EVC: variants seen among roughly 807,000 people sequenced by gnomAD.
EVC encodes evC complex member EVC.
Under a neutral mutation model 118.9 loss-of-function variants are expected in EVC, and 116 were observed. That is an observed-to-expected ratio of 0.98 (90% CI 0.84 to 1.14). EVC has a LOEUF of 1.14. Ranked by LOEUF, EVC falls within the 50% of genes most tolerant of loss-of-function variation. The pLI is 0.00. For missense variants in EVC, 1,401 were observed against 1,246.4 expected (o/e 1.12, Z -1.87); for synonymous variants, 619 against 534.7 (o/e 1.16, Z -2.18).
chr4:5,803,154 T>G (rs1383354558), intron 16 of EVC, among the ~76,000 whole-genome samples: 4 of 152,206 alleles, frequency 2.6e-5, no homozygotes, highest in Admixed American at 2.0e-4. Flanking sequence ...GAAGCCAATT[T>G]CTTAAATGCC....
chr4:5,828,981 A>T, the EVC span, among the ~76,000 whole-genome samples: 1 of 152,140 alleles, frequency 6.6e-6, no homozygotes, highest in African/African-American at 2.4e-5. Flanking sequence ...TGGACATAAA[A>T]ATAAGTAAAA....
the EVC span, chr4:5,825,531 G>C: frequency 6.3e-7 from 1 of 1,582,786 alleles, no homozygotes; most frequent in Non-Finnish European, 8.5e-7. This position sits in a 1 kb window ranked among gnomAD's most constrained non-coding sequence, Gnocchi z 4.4. Context: ...GGTTTCTGAT[G>C]GGTGGGGGCT....
chr4:5,732,645 T>C (rs1379713048), intron 4 of EVC, among the ~76,000 whole-genome samples: 1 of 152,246 alleles, frequency 6.6e-6, no homozygotes, highest in Non-Finnish European at 1.5e-5. Flanking sequence ...AGTCAGTTTC[T>C]GCATCTGTAA....
rs1318179785 is a variant in EVC at position 5,711,257 on chromosome 4, C to G, written c.-124C>G. The G allele has an allele frequency of 8.4e-6, 5 of 593,798 alleles. No homozygotes were observed. The highest frequency in any genetic ancestry group is 1.1e-5 in the Non-Finnish European group (5 of 471,342). 36.8% of individuals were successfully genotyped at this position (593,798 alleles called of 1,614,324 possible). On this transcript the variant is annotated 5_prime_UTR_variant, in exon 1 of 21. Transcript: ENST00000264956. ...GCAGGAGTCGGGAGACTGCACAGGC[C>G]AGAAAGTCTGCGGAGCGGGCCGCGC...
chr4:5,724,887 G>A (rs912616962), intron 2 of EVC, among the ~76,000 whole-genome samples: 3 of 151,860 alleles, frequency 2.0e-5, no homozygotes, highest in South Asian at 2.1e-4. Context: ...CCTCGCCCCC[G>A]ACAGGCCCCA....
At chr4:5,728,643 G>A (rs1273221549) in intron 2 of EVC, among the ~76,000 whole-genome samples, 1 of 152,182 alleles carries the variant, frequency 6.6e-6, no homozygotes, top group Non-Finnish European at 1.5e-5. Context: ...CTACTCTGCT[G>A]GTTTACTATC....
Position 5,719,380 on chromosome 4 carries a change from T to A in EVC, c.300+7T>A, listed in dbSNP as rs760229545. On this transcript the variant is annotated splice_region_variant and intron_variant, in intron 2 of 20. Coordinates refer to ENST00000264956, the MANE Select transcript of EVC (RefSeq NM_153717.3). This position sits in a 1 kb window ranked among gnomAD's most constrained non-coding sequence, Gnocchi z 4.7. Reference sequence around the variant, plus strand: ...GGACAAGGAAGCTGTTGATGTAAGCTTGGTGTTGATGTTTGTTTGTGGAGG... The same window carrying A: ...GGACAAGGAAGCTGTTGATGTAAGCATGGTGTTGATGTTTGTTTGTGGAGG... 2 of 1,614,084 alleles carry A rather than the reference T, an allele frequency of 1.2e-6. No individual in the cohort carries two copies. The highest frequency in any genetic ancestry group is 1.7e-6 in the Non-Finnish European group (2 of 1,179,982).
intron 2 of EVC, among the ~76,000 whole-genome samples, chr4:5,727,654 A>G (rs1309720419): frequency 6.6e-6 from 1 of 151,810 alleles, no homozygotes; most frequent in Non-Finnish European, 1.5e-5. Flanking sequence ...GCACATGCCT[A>G]TGTCCTGAAT....
chr4:5,768,438 G>GTGT (rs1733374376), intron 11 of EVC, among the ~76,000 whole-genome samples: 1 of 152,034 alleles, frequency 6.6e-6, no homozygotes, highest in African/African-American at 2.4e-5. Context: ...TTGTTTGGAC[G>GTGT]ATCAATATCC....
intron 5 of EVC, among the ~76,000 whole-genome samples, chr4:5,740,462 C>T (rs1296351052): frequency 7.6e-6 from 1 of 132,046 alleles, no homozygotes; most frequent in Non-Finnish European, 1.6e-5. Context: ...CAGACTGATA[C>T]TCCATCTCAA....
At chr4:5,787,326 G>A (rs942526164) in intron 12 of EVC, among the ~76,000 whole-genome samples, 7 of 152,222 alleles carry the variant, frequency 4.6e-5, no homozygotes, top group South Asian at 2.1e-4. Context: ...AAATCTTTGC[G>A]AATGTGATTA....
chr4:5,796,999 C>T (rs993898404), intron 13 of EVC, 23 bp from the exon 14 acceptor site: 1 of 1,574,034 alleles, frequency 6.4e-7, no homozygotes, highest in Non-Finnish European at 8.7e-7. Flanking sequence ...ATTGACCCCA[C>T]CCCTCACCTG....
At chr4:5,780,124 G>A (rs1053031457) in intron 11 of EVC, among the ~76,000 whole-genome samples, 2 of 152,122 alleles carry the variant, frequency 1.3e-5, no homozygotes, top group Non-Finnish European at 2.9e-5. Context: ...CTTTGGTTCT[G>A]TTTATATGCT....
intron 11 of EVC, among the ~76,000 whole-genome samples, chr4:5,770,375 C>T (rs1242892943): frequency 1.3e-5 from 2 of 152,176 alleles, no homozygotes; most frequent in African/African-American, 4.8e-5. Flanking sequence ...CAAAGACACT[C>T]CAGTCAGACC....
intron 2 of EVC, 148 bp from the exon 3 acceptor site, chr4:5,729,159 G>A: frequency 1.3e-6 from 1 of 742,338 alleles, no homozygotes; most frequent in Non-Finnish European, 2.4e-6. Flanking sequence ...TTCTGGCAAG[G>A]AAGAGCTAAT....
downstream of EVC, among the ~76,000 whole-genome samples, chr4:5,814,921 A>G (rs1027278469): frequency 2.6e-5 from 4 of 151,984 alleles, no homozygotes; most frequent in African/African-American, 9.7e-5. Context: ...GACTGGGGTG[A>G]GGTCGGTGGG....
At position 5,793,644 on chromosome 4, in the gene EVC, C is replaced by T. The variant is rs1553889992; in HGVS notation, c.1813C>T (p.Gln605Ter). The part of the protein sequence containing the change: ...MEECALSSVL[Q>*]THLREDHEGT... Reference sequence around the variant, plus strand: ...GGAGTGTGCGCTGTCCAGCGTGCTGCAGACACACCTGCGGGAGGACCACGA... The same window carrying T: ...GGAGTGTGCGCTGTCCAGCGTGCTGTAGACACACCTGCGGGAGGACCACGA... Residue 605 changes from glutamine to a stop codon, truncating the protein, a stop_gained, in exon 13 of 21, where the codon CAG becomes TAG. Coordinates refer to ENST00000264956, the MANE Select transcript of EVC (RefSeq NM_153717.3). LOFTEE classifies it high-confidence loss of function. 1.3e-6 allele frequency: 2 copies of T among 1,552,936 alleles called. No homozygotes were observed. The highest frequency in any genetic ancestry group is 1.7e-6 in the Non-Finnish European group (2 of 1,147,810).
rs771202143 is a variant in EVC, at chr4:5,738,989, C to T, written c.703-2727C>T. ...ATACTGCTATTGTACACTTAGACTA[C>T]AGTATAGTGTAAACATAGCTTTTAT... On this transcript the variant is annotated intron_variant, in intron 5 of 20. Coordinates refer to ENST00000264956, the MANE Select transcript of EVC (RefSeq NM_153717.3). This position sits in a 1 kb window ranked among gnomAD's most constrained non-coding sequence, Gnocchi z 6.5. 3.1e-4 allele frequency among the ~76,000 whole-genome samples: 47 copies of T among 152,226 alleles called. No individual in the cohort carries two copies. The South Asian group carries it at 4.2e-3, about 13-fold the overall frequency.
chr4:5,828,215 T>G, the EVC span: 1 of 985,342 alleles, frequency 1.0e-6, no homozygotes, highest in Admixed American at 6.1e-5. Context: ...CAGAGCAGCT[T>G]GGTAAGCGTC....
Sources: allele counts gnomAD v4.1 joint callset (sites outside exome capture counted in the v4.1 genomes callset), GRCh38; gene constraint gnomAD v4.1.1; non-coding constraint Gnocchi (gnomAD v3.1); transcripts MANE v1.5; gene names NCBI Gene and HGNC (gene_info 2026-07-23, HGNC 2026-07-21).